The following EYS variants were observed in gnomAD, a reference collection of about 807,000 sequenced individuals.
EYS encodes the protein EGF-like photoreceptor maintenance factor, also known as protein eyes shut homolog.
Under a neutral mutation model 282.1 loss-of-function variants are expected in EYS, and 250 were observed. The observed-to-expected ratio is 0.89, with a 90% confidence interval of 0.80 to 0.98. EYS has a LOEUF of 0.98. EYS is among the 50% of genes least tolerant of loss of function. The pLI, the probability that EYS is intolerant of heterozygous loss-of-function variation, is 0.00. For synonymous variants in EYS, 1,355 were observed against 1,282.9 expected (o/e 1.06, Z -1.20); for missense variants, 4,016 against 3,709.0 (o/e 1.08, Z -2.15).
chr6:64,149,327 T>C (rs984486623), intron 31 of EYS, among the ~76,000 whole-genome samples: 1 of 152,166 alleles, frequency 6.6e-6, no homozygotes, highest in Non-Finnish European at 1.5e-5. Flanking sequence ...GACACATCAA[T>C]AGGCAGCTAC....
intron 13 of EYS, among the ~76,000 whole-genome samples, chr6:65,048,540 T>C (rs1476152643): frequency 6.6e-6 from 1 of 151,910 alleles, no homozygotes; most frequent in African/African-American, 2.4e-5. Flanking sequence ...ATGAAAAAAC[T>C]TGACCATTCC....
intron 11 of EYS, among the ~76,000 whole-genome samples, chr6:65,321,064 T>G (rs578076737): frequency 6.6e-6 from 1 of 152,236 alleles, no homozygotes; most frequent in East Asian, 1.9e-4. Flanking sequence ...TCAGGTCTGC[T>G]GTTGGATAAC....
chr6:65,615,757 A>G (rs1582521867), intron 2 of EYS, among the ~76,000 whole-genome samples: 1 of 151,970 alleles, frequency 6.6e-6, no homozygotes. Flanking sequence ...ACACGGTGAA[A>G]CCCTGTCTCT....
At chr6:65,166,655 A>G (rs984737730) in intron 12 of EYS, among the ~76,000 whole-genome samples, 4 of 151,200 alleles carry the variant, frequency 2.6e-5, no homozygotes, top group Non-Finnish European at 5.9e-5. Flanking sequence ...ATGACCTTGG[A>G]TTAAGCAATA....
chr6:64,568,270 G>A (rs1013550118), intron 26 of EYS, among the ~76,000 whole-genome samples: 6 of 152,080 alleles, frequency 3.9e-5, no homozygotes, highest in Non-Finnish European at 7.4e-5. Context: ...TGTGAGCAGA[G>A]GAAAGTAAGA....
chr6:65,699,183 G>T (rs956964219), intron 1 of EYS, among the ~76,000 whole-genome samples: 3 of 151,924 alleles, frequency 2.0e-5, no homozygotes, highest in Non-Finnish European at 4.4e-5. Context: ...TTTAGATCAC[G>T]TCTATATTTC....
intron 27 of EYS, among the ~76,000 whole-genome samples, chr6:64,437,262 T>C (rs542219419): frequency 4.8e-4 from 73 of 151,686 alleles, no homozygotes; most frequent in African/African-American, 1.8e-3. Flanking sequence ...GACTAATGGA[T>C]AGCCACTACT....
At chr6:65,399,687 G>T (rs9345621) in intron 7 of EYS, among the ~76,000 whole-genome samples, 72,311 of 151,762 alleles carry the variant, frequency 0.48, 17,499 homozygotes, top group South Asian at 0.53. Flanking sequence ...TTGTAAAGAA[G>T]TTCAGTATAT....
intron 4 of EYS, chr6:65,491,268 T>TAC (rs775885592): frequency 0.018 from 2,812 of 160,678 alleles, 39 homozygotes; most frequent in African/African-American, 0.04. Context: ...ATATCAGTTA[T>TAC]ATACACACAC....
Position 65,706,678 on chromosome 6 carries a change from G to A in EYS, c.-448+457C>T, listed in dbSNP as rs114680724. Among the ~76,000 whole-genome samples, 756 of 152,202 alleles carry A rather than the reference G, an allele frequency of 5.0e-3. 6 individuals are homozygous for A. Among genetic ancestry groups the A allele is most frequent in the African/African-American group, 0.017 (712 of 41,538 alleles). ...ATAAACATCACCTCCAACAAAACTA[G>A]TATGAGTATCTCTAGATTTATGGCC... On this transcript the variant is annotated intron_variant, in intron 1 of 42. Coordinates refer to ENST00000503581, the MANE Select transcript of EYS (RefSeq NM_001142800.2).
chr6:64,168,551 C>T (rs552789426), intron 31 of EYS, among the ~76,000 whole-genome samples: 2 of 152,084 alleles, frequency 1.3e-5, no homozygotes, highest in African/African-American at 2.4e-5. Context: ...ACTTGTAAAT[C>T]GATAAAAAGT....
intron 2 of EYS, among the ~76,000 whole-genome samples, chr6:65,637,518 C>T (rs1554219588): frequency 1.3e-5 from 2 of 152,110 alleles, no homozygotes; most frequent in Admixed American, 6.5e-5. Context: ...GGCAGAAGCC[C>T]GTGCTCCCTG....
chr6:63,787,838 C>T (rs980716585), intron 39 of EYS, among the ~76,000 whole-genome samples: 5 of 152,192 alleles, frequency 3.3e-5, no homozygotes, highest in African/African-American at 7.2e-5. Flanking sequence ...ACTAGGGAGG[C>T]TGAGGCAGGA....
chr6:64,540,934 C>G (rs900298934), intron 26 of EYS, among the ~76,000 whole-genome samples: 4 of 152,174 alleles, frequency 2.6e-5, no homozygotes, highest in African/African-American at 9.7e-5. Context: ...GAGATGCCTT[C>G]TACTATGAAA....
At chr6:65,598,248 C>CA (rs1423302544) in intron 2 of EYS, among the ~76,000 whole-genome samples, 11 of 68,026 alleles carry the variant, frequency 1.6e-4, no homozygotes, top group East Asian at 5.3e-4. Context: ...ACCCCCCCCC[C>CA]AAAAAAAAAA....
At position 65,142,055 on chromosome 6, in the gene EYS, T is replaced by C. The variant is rs531903484; in HGVS notation, c.2024-84328A>G. On this transcript the variant is annotated intron_variant, in intron 12 of 42. Transcript: ENST00000503581. The stretch of plus-strand genomic sequence containing the variant: ...ACTATCATTAACTACAGTCCTCATG[T>C]TGTACATGATTAGATCTTTCAACTT... Among the ~76,000 whole-genome samples the C allele has an allele frequency of 3.3e-5, 5 of 152,158 alleles. No homozygotes were observed. In the East Asian group the frequency reaches 9.7e-4, roughly 30 times the overall value.
At chr6:65,547,597 T>C (rs1388102421) in intron 2 of EYS, among the ~76,000 whole-genome samples, 1 of 152,140 alleles carries the variant, frequency 6.6e-6, no homozygotes, top group Non-Finnish European at 1.5e-5. Context: ...GATTTTGTAT[T>C]ATCTAATATG....
chr6:65,696,531 C>A (rs1582614352), intron 1 of EYS, among the ~76,000 whole-genome samples: 1 of 151,802 alleles, frequency 6.6e-6, no homozygotes. Flanking sequence ...TATTACAAAC[C>A]TCTTTCTCTG....
At chr6:64,920,404 T>C (rs550247133) in intron 15 of EYS, among the ~76,000 whole-genome samples, 1 of 152,292 alleles carries the variant, frequency 6.6e-6, no homozygotes, top group African/African-American at 2.4e-5. Flanking sequence ...CTGTCTTTAA[T>C]TTCTTCTATT....
Sources: allele counts gnomAD v4.1 joint callset (sites outside exome capture counted in the v4.1 genomes callset), GRCh38; gene constraint gnomAD v4.1.1; transcripts MANE v1.5; gene names NCBI Gene and HGNC (gene_info 2026-07-23, HGNC 2026-07-21).